FARS2: variants seen among roughly 807,000 people sequenced by gnomAD.
FARS2 encodes phenylalanine--tRNA ligase, mitochondrial.
In FARS2, 40 loss-of-function variants were observed where a neutral mutation model predicts 46.4. The ratio of observed to expected loss-of-function variants is 0.86; its 90% CI spans 0.67 to 1.12. FARS2 has a LOEUF of 1.12. Among genes scored for constraint, FARS2 ranks in the 50% most tolerant of loss-of-function variants. FARS2 has a pLI of 0.00. For missense variants in FARS2, 513 were observed against 567.9 expected, an observed-to-expected ratio of 0.90 and a Z score of 0.98; for synonymous variants, 234 against 214.9, an observed-to-expected ratio of 1.09 and a Z score of -0.78.
At chr6:5,562,149 A>G (rs59392447) in intron 5 of FARS2, among the ~76,000 whole-genome samples, 3,719 of 152,116 alleles carry the variant, frequency 0.024, 68 homozygotes, top group Middle Eastern at 0.048. Flanking sequence ...GTGTTTCTTC[A>G]TATTATAATT....
At chr6:5,432,387 TAC>T (rs1763256205) in intron 4 of FARS2, among the ~76,000 whole-genome samples, 1 of 128,016 alleles carries the variant, frequency 7.8e-6, no homozygotes, top group African/African-American at 3.0e-5. Flanking sequence ...TTATATATTA[TAC>T]ATTATATATA....
chr6:5,255,137 A>T, the FARS2 span, among the ~76,000 whole-genome samples: 1 of 152,024 alleles, frequency 6.6e-6, no homozygotes, highest in Non-Finnish European at 1.5e-5. Flanking sequence ...TCTTTACTTG[A>T]TCTCCTCCCA....
intron 4 of FARS2, among the ~76,000 whole-genome samples, chr6:5,465,687 G>A (rs1199254074): frequency 6.6e-6 from 1 of 151,482 alleles, no homozygotes; most frequent in East Asian, 1.9e-4. Flanking sequence ...TATAACCTTT[G>A]GTATTTGTCA....
intron 4 of FARS2, among the ~76,000 whole-genome samples, chr6:5,528,701 G>C (rs1248546696): frequency 6.6e-6 from 1 of 152,134 alleles, no homozygotes; most frequent in Non-Finnish European, 1.5e-5. Context: ...TAAATCTAAG[G>C]GTGGTCAAGC....
intron 6 of FARS2, among the ~76,000 whole-genome samples, chr6:5,644,889 C>T (rs1582659157): frequency 1.3e-5 from 2 of 152,168 alleles, no homozygotes; most frequent in Admixed American, 6.5e-5. Context: ...TCTCTGGATA[C>T]GTTTACAAAT....
At position 5,317,043 on chromosome 6, in the gene FARS2, G is replaced by A. The variant is rs1424168686; in HGVS notation, c.-21-51507G>A. ...GTCACACTCACCTCCTCTCACACTC[G>A]CCTCCACATCAGTTAGGCTCTTGCA... On this transcript the variant is annotated intron_variant, in intron 1 of 6. Transcript: ENST00000274680. Among the ~76,000 whole-genome samples, 9 of 152,080 alleles carry A rather than the reference G, an allele frequency of 5.9e-5. 1 individual carries two copies. The South Asian group carries it at 6.2e-4, about 11-fold the overall frequency.
chr6:5,335,900 A>G lies in FARS2; in HGVS notation c.-21-32650A>G, dbSNP rs1771125387. On this transcript the variant is annotated intron_variant, in intron 1 of 6. Coordinates refer to ENST00000274680, the MANE Select transcript of FARS2 (RefSeq NM_006567.5). Reference sequence around the variant, plus strand: ...GTAGATAGTGATACCTGTGCTTTTAATTCCGTTCTTTTTGTACGTCTGAGT... The same window carrying G: ...GTAGATAGTGATACCTGTGCTTTTAGTTCCGTTCTTTTTGTACGTCTGAGT... Among the ~76,000 whole-genome samples the G allele has an allele frequency of 2.6e-5, 4 of 152,292 alleles. 2 individuals are homozygous for G. In the South Asian group the frequency reaches 8.3e-4, roughly 32 times the overall value.
chr6:5,437,293 A>G (rs1763578148), intron 4 of FARS2, among the ~76,000 whole-genome samples: 1 of 152,138 alleles, frequency 6.6e-6, no homozygotes, highest in Non-Finnish European at 1.5e-5. Flanking sequence ...CTTTGTGTGG[A>G]CATATATTTC....
At chr6:5,310,202 T>C (rs1768989625) in intron 1 of FARS2, among the ~76,000 whole-genome samples, 1 of 152,126 alleles carries the variant, frequency 6.6e-6, no homozygotes, top group Admixed American at 6.5e-5. Context: ...AAATGCAATA[T>C]CTTTATTTCA....
intron 4 of FARS2, among the ~76,000 whole-genome samples, chr6:5,453,544 A>G (rs979683494): frequency 2.0e-5 from 3 of 152,232 alleles, no homozygotes; most frequent in Non-Finnish European, 4.4e-5. Flanking sequence ...GAGCTTTCTG[A>G]CATTCCTTAG....
chr6:5,532,751 A>G (rs1769927559), intron 4 of FARS2, among the ~76,000 whole-genome samples: 1 of 149,690 alleles, frequency 6.7e-6, no homozygotes. Flanking sequence ...ACTCTGTTTC[A>G]AAAGTAGTAG....
In FARS2 at chr6:5,648,048, C is replaced by T. The variant is rs148623098; in HGVS notation, c.1217+34728C>T. Among the ~76,000 whole-genome samples, 19 of 152,322 alleles carry T rather than the reference C, an allele frequency of 1.2e-4. 1 individual carries two copies. The East Asian group carries it at 3.7e-3, about 29-fold the overall frequency. ...TAAATAAATTAATATACATGAAGTGCCAGGCACACTGCCTTCTGGACTCAA... is the reference window on the plus strand; with the variant it reads ...TAAATAAATTAATATACATGAAGTGTCAGGCACACTGCCTTCTGGACTCAA... On this transcript the variant is annotated intron_variant, in intron 6 of 6. Coordinates refer to ENST00000274680, the MANE Select transcript of FARS2 (RefSeq NM_006567.5).
At chr6:5,601,801 C>G (rs1325225331) in intron 5 of FARS2, among the ~76,000 whole-genome samples, 9 of 152,156 alleles carry the variant, frequency 5.9e-5, no homozygotes, top group African/African-American at 2.2e-4. Context: ...CAGCACCCCA[C>G]AAACGGTGAC....
intron 1 of FARS2, among the ~76,000 whole-genome samples, chr6:5,299,526 A>G (rs1768137836): frequency 6.6e-6 from 1 of 152,194 alleles, no homozygotes; most frequent in Admixed American, 6.5e-5. Flanking sequence ...TTGAAAGTTC[A>G]TCAAAGTTTG....
At chr6:5,523,534 C>T (rs1442224441) in intron 4 of FARS2, among the ~76,000 whole-genome samples, 1 of 151,774 alleles carries the variant, frequency 6.6e-6, no homozygotes, top group Admixed American at 6.6e-5. Context: ...GTGGTTGGGT[C>T]CCCGCTCAGG....
intron 4 of FARS2, among the ~76,000 whole-genome samples, chr6:5,524,378 A>G (rs1046173904): frequency 6.6e-6 from 1 of 152,216 alleles, no homozygotes; most frequent in Non-Finnish European, 1.5e-5. Flanking sequence ...AGAGGAAGCT[A>G]CAGGGAATCC....
intron 6 of FARS2, among the ~76,000 whole-genome samples, chr6:5,686,154 A>T (rs1293988414): frequency 6.6e-6 from 1 of 152,194 alleles, no homozygotes; most frequent in African/African-American, 2.4e-5. Context: ...TGCAGAAGTC[A>T]TGCAGGTTTG....
At chr6:5,574,031 C>G (rs1365385193) in intron 5 of FARS2, among the ~76,000 whole-genome samples, 1 of 152,180 alleles carries the variant, frequency 6.6e-6, no homozygotes. Context: ...CAAACTTTTT[C>G]CAAGGAACAC....
intron 6 of FARS2, among the ~76,000 whole-genome samples, chr6:5,681,615 G>A (rs528426859): frequency 6.6e-4 from 100 of 152,324 alleles, no homozygotes; most frequent in African/African-American, 2.3e-3. Context: ...TTTTAACAAC[G>A]AAAGGTGGGG....
Sources: gnomAD v4.1 joint callset for allele counts (sites outside exome capture counted in the v4.1 genomes callset) on GRCh38, gnomAD v4.1.1 for gene constraint, MANE v1.5 for transcripts, NCBI Gene and HGNC (gene_info 2026-07-23, HGNC 2026-07-21) for gene names.